Variants in AFTPH observed in about 807,000 individuals in gnomAD.
AFTPH encodes aftiphilin protein.
AFTPH carries 7 observed loss-of-function variants against 72.5 expected under a neutral mutation model. The observed-to-expected ratio is 0.10, with a 90% CI of 0.05 to 0.18. The LOEUF is 0.18. Ranked by LOEUF, AFTPH falls within the 10% of genes least tolerant of loss-of-function variation. The pLI, the probability that AFTPH is intolerant of heterozygous loss-of-function variation, is 1.00. For missense variants in AFTPH, 979 were observed against 1,060.5 expected, an observed-to-expected ratio of 0.92 and a Z score of 1.07; for synonymous variants, 337 against 370.1, an observed-to-expected ratio of 0.91 and a Z score of 1.03.
At chr2:64,552,198 A>G (rs1671088674) in exon 2 of AFTPH, 2 of 1,613,832 alleles carry the variant, frequency 1.2e-6, no homozygotes, top group African/African-American at 2.7e-5. Context: ...CAAAAAGGAA[A>G]GGATACAATT....
intron 1 of AFTPH, among the ~76,000 whole-genome samples, chr2:64,545,821 C>A (rs1670575271): frequency 6.6e-6 from 1 of 151,734 alleles, no homozygotes; most frequent in Non-Finnish European, 1.5e-5. Flanking sequence ...GGTAGTTACA[C>A]AAATCTGAAT....
chr2:64,584,475 T>C (rs1032212271), intron 7 of AFTPH, among the ~76,000 whole-genome samples: 15 of 152,270 alleles, frequency 9.9e-5, no homozygotes, highest in African/African-American at 3.6e-4. Flanking sequence ...GACAAGAATT[T>C]TCATTTTGTT....
intron 1 of AFTPH, among the ~76,000 whole-genome samples, chr2:64,542,033 T>A (rs2103865208): frequency 6.6e-6 from 1 of 152,348 alleles, no homozygotes; most frequent in Non-Finnish European, 1.5e-5. Flanking sequence ...AAAATAAGTT[T>A]AGAGTGAAGC....
At chr2:64,584,001 G>A (rs891323981) in intron 7 of AFTPH, among the ~76,000 whole-genome samples, 1 of 151,934 alleles carries the variant, frequency 6.6e-6, no homozygotes, top group African/African-American at 2.4e-5. Flanking sequence ...ATTTATATAT[G>A]TTATTTATAT....
chr2:64,568,926 A>AG (rs1164212791), intron 3 of AFTPH, among the ~76,000 whole-genome samples, 166 bp from the exon 4 acceptor site: 3 of 152,168 alleles, frequency 2.0e-5, no homozygotes, highest in Non-Finnish European at 2.9e-5. Context: ...TTATTTTTCT[A>AG]GTGACTATAA....
intron 2 of AFTPH, among the ~76,000 whole-genome samples, chr2:64,566,783 AAAG>A (rs1398190299): frequency 6.6e-6 from 1 of 152,118 alleles, no homozygotes; most frequent in Non-Finnish European, 1.5e-5. Context: ...TTAAAAAAAA[AAAG>A]CCAAGAAATG....
chr2:64,526,613 G>A (rs1408955982), intron 1 of AFTPH, among the ~76,000 whole-genome samples: 1 of 152,114 alleles, frequency 6.6e-6, no homozygotes, highest in African/African-American at 2.4e-5. Context: ...AACTTTATAA[G>A]TATTTTTAGT....
intron 2 of AFTPH, among the ~76,000 whole-genome samples, chr2:64,560,810 T>TTG (rs1330832117): frequency 2.0e-5 from 3 of 151,978 alleles, no homozygotes; most frequent in Non-Finnish European, 2.9e-5. Context: ...GAGACGAAGG[T>TTG]TGCAGTGACC....
At chr2:64,545,424 T>C (rs1670519359) in intron 1 of AFTPH, among the ~76,000 whole-genome samples, 1 of 150,154 alleles carries the variant, frequency 6.7e-6, no homozygotes, top group Non-Finnish European at 1.5e-5. Context: ...GTATATACTG[T>C]TTATACTATT....
At chr2:64,536,382 C>G (rs894769083) in intron 1 of AFTPH, among the ~76,000 whole-genome samples, 2 of 151,840 alleles carry the variant, frequency 1.3e-5, no homozygotes, top group Non-Finnish European at 2.9e-5. Flanking sequence ...GCCTGGCCAA[C>G]ATGGTGAAAC....
chr2:64,531,061 C>CAA (rs370897333), intron 1 of AFTPH, among the ~76,000 whole-genome samples: 26,654 of 70,996 alleles, frequency 0.38, 3,815 homozygotes, highest in Non-Finnish European at 0.43. Flanking sequence ...GACTTCATCT[C>CAA]AAAAAAAAAA....
At chr2:64,568,406 C>T (rs1420343194) in intron 3 of AFTPH, among the ~76,000 whole-genome samples, 1 of 152,130 alleles carries the variant, frequency 6.6e-6, no homozygotes, top group Non-Finnish European at 1.5e-5. Context: ...TGATCCAACA[C>T]CTTATCATTC....
At chr2:64,533,593 A>C (rs904653565) in intron 1 of AFTPH, among the ~76,000 whole-genome samples, 3 of 152,174 alleles carry the variant, frequency 2.0e-5, no homozygotes, top group African/African-American at 7.2e-5. Flanking sequence ...ATTAAGAGTG[A>C]ATATTAGATT....
chr2:64,576,783 G>T (rs1672831368), intron 6 of AFTPH, among the ~76,000 whole-genome samples: 1 of 151,900 alleles, frequency 6.6e-6, no homozygotes, highest in African/African-American at 2.4e-5. Context: ...TTTGAAACAA[G>T]AGTTTTGCTC....
chr2:64,591,263 C>T (rs1673808180), intron 8 of AFTPH, among the ~76,000 whole-genome samples: 1 of 152,194 alleles, frequency 6.6e-6, no homozygotes, highest in South Asian at 2.1e-4. Flanking sequence ...TTCCCTCACC[C>T]AGAGTTCCGT....
intron 5 of AFTPH, among the ~76,000 whole-genome samples, chr2:64,571,174 G>A (rs1672403827): frequency 6.6e-6 from 1 of 151,910 alleles, no homozygotes; most frequent in African/African-American, 2.4e-5. Flanking sequence ...AGTACCTGAA[G>A]TGATCATTTA....
At chr2:64,555,561 A>T (rs1343377232) in intron 2 of AFTPH, among the ~76,000 whole-genome samples, 1 of 114,690 alleles carries the variant, frequency 8.7e-6, no homozygotes, top group East Asian at 2.3e-4. Flanking sequence ...ACTGTCACAC[A>T]CACACACACA....
chr2:64,581,990 A>T (rs184619860), intron 7 of AFTPH, among the ~76,000 whole-genome samples: 32 of 152,384 alleles, frequency 2.1e-4, no homozygotes, highest in African/African-American at 7.5e-4. Context: ...CATTGACCAA[A>T]GGACTAATGT....
At chr2:64,525,218 C>G (rs546700515) in intron 1 of AFTPH, among the ~76,000 whole-genome samples, 113 of 152,330 alleles carry the variant, frequency 7.4e-4, no homozygotes, top group Admixed American at 2.2e-3. Flanking sequence ...ATCTGCGTCT[C>G]CTCTCCAGTT....
Sources: gnomAD v4.1 joint callset for allele counts (sites outside exome capture counted in the v4.1 genomes callset) on GRCh38, gnomAD v4.1.1 for gene constraint, MANE v1.5 for transcripts, NCBI Gene and HGNC (gene_info 2026-07-23, HGNC 2026-07-21) for gene names.